The following CREB5 variants were observed in gnomAD, a reference collection of about 807,000 sequenced individuals.
CREB5 encodes cAMP responsive element binding protein 5, also known as cyclic AMP-responsive element-binding protein 5.
Under a neutral mutation model 57.1 loss-of-function variants are expected in CREB5, and 19 were observed. That is an observed-to-expected ratio of 0.33 (90% CI 0.23 to 0.49). The LOEUF is 0.49. Ranked by LOEUF, CREB5 falls within the 20% of genes least tolerant of loss-of-function variation. CREB5 has a pLI of 0.99. For synonymous variants in CREB5, 238 were observed against 238.3 expected, an observed-to-expected ratio of 1.00 and a Z score of 0.01; for missense variants, 579 against 671.6, an observed-to-expected ratio of 0.86 and a Z score of 1.52.
intron 5 of CREB5, among the ~76,000 whole-genome samples, chr7:28,654,255 C>A (rs910450853): frequency 6.6e-6 from 1 of 152,208 alleles, no homozygotes; most frequent in African/African-American, 2.4e-5. Context: ...CTCGCTCCCC[C>A]TCTTCTAGTT....
chr7:28,505,250 C>T (rs1265920909), intron 3 of CREB5, among the ~76,000 whole-genome samples: 1 of 152,142 alleles, frequency 6.6e-6, no homozygotes, highest in African/African-American at 2.4e-5. Context: ...GCACATACAC[C>T]CTTTTACTTT....
chr7:28,353,419 G>T (rs1786275119), intron 1 of CREB5, among the ~76,000 whole-genome samples: 1 of 152,186 alleles, frequency 6.6e-6, no homozygotes, highest in African/African-American at 2.4e-5. Context: ...TGGAGTGAGT[G>T]ATGGCTTCTC....
In CREB5 at chr7:28,560,901, C is replaced by CGTGCGTGTGCGCGCGCGCGT. The variant is rs1368518820; in HGVS notation, c.292-9463_292-9462insTGCGTGTGCGCGCGCGCGTG. On this transcript the variant is annotated intron_variant, in intron 4 of 10. Coordinates refer to ENST00000357727, the MANE Select transcript of CREB5 (RefSeq NM_182898.4). ...GTGCGTGCGTGCGTGTGTGTGCGTG[C>CGTGCGTGTGCGCGCGCGCGT]GCGCGTGCGTGTGCGTGTGTGCGCG... is the stretch of plus-strand genomic sequence containing the variant. Among the ~76,000 whole-genome samples, 39 of 21,660 alleles carry CGTGCGTGTGCGCGCGCGCGT rather than the reference C, an allele frequency of 1.8e-3. 1 individual carries two copies. The highest frequency in any genetic ancestry group is 3.6e-3 in the South Asian group (1 of 278). The allele number at this position is 21,660 out of a possible 152,430, so 14.2% of individuals were successfully genotyped here.
intron 1 of CREB5, among the ~76,000 whole-genome samples, chr7:28,314,901 C>A (rs947088655): frequency 6.6e-6 from 1 of 152,172 alleles, no homozygotes; most frequent in South Asian, 2.1e-4. Context: ...CTGTAGAAAG[C>A]CTAACAGTAG....
chr7:28,731,405 G>A (rs948766751), intron 7 of CREB5, among the ~76,000 whole-genome samples: 3 of 152,162 alleles, frequency 2.0e-5, no homozygotes, highest in Non-Finnish European at 4.4e-5. Flanking sequence ...AAATACACGA[G>A]AATATACATT....
intron 8 of CREB5, 45 bp from the exon 9 acceptor site, chr7:28,809,142 C>T (rs1808934266): frequency 2.6e-6 from 4 of 1,536,662 alleles, no homozygotes; most frequent in Non-Finnish European, 3.5e-6. Flanking sequence ...TACCTAACCA[C>T]GTCCTTCCCT....
chr7:28,459,247 C>G (rs572471510), intron 1 of CREB5, among the ~76,000 whole-genome samples: 9 of 152,220 alleles, frequency 5.9e-5, no homozygotes, highest in Admixed American at 1.3e-4. Flanking sequence ...CTTTGCACAC[C>G]CCACCTGTCT....
chr7:28,782,495 AGAAAT>A (rs1807047241), intron 7 of CREB5, among the ~76,000 whole-genome samples: 1 of 152,256 alleles, frequency 6.6e-6, no homozygotes, highest in African/African-American at 2.4e-5. Context: ...AATAAAAAGA[AGAAAT>A]GAAAGAAATA....
chr7:28,637,173 GAAAGAAAAGAAAGGA>G lies in CREB5; in HGVS notation c.464+66649_464+66663del, dbSNP rs572978936. On this transcript the variant is annotated intron_variant, in intron 5 of 10. Coordinates refer to ENST00000357727, the MANE Select transcript of CREB5 (RefSeq NM_182898.4). ...TGTCTTAAAAAACAAAACAAAAAAA[GAAAGAAAAGAAAGGA>G]AAAGAAAAGAAAATTTGACCACCTG... Among the ~76,000 whole-genome samples, 11 of 151,822 alleles carry G rather than the reference GAAAGAAAAGAAAGGA, an allele frequency of 7.2e-5. No individual in the cohort carries two copies. In the East Asian group the frequency reaches 2.1e-3, roughly 29 times the overall value.
At chr7:28,745,162 A>G (rs930303377) in intron 7 of CREB5, among the ~76,000 whole-genome samples, 1 of 152,198 alleles carries the variant, frequency 6.6e-6, no homozygotes, top group Middle Eastern at 3.2e-3. Flanking sequence ...AGGAAGGCAA[A>G]CAGTATTCAT....
chr7:28,588,268 A>C (rs563992780), intron 5 of CREB5, among the ~76,000 whole-genome samples: 95 of 152,302 alleles, frequency 6.2e-4, no homozygotes, highest in African/African-American at 2.1e-3. Flanking sequence ...AGATCTTAAC[A>C]AAACAATATA....
At chr7:28,402,315 C>T (rs1188071386) in intron 1 of CREB5, among the ~76,000 whole-genome samples, 1 of 151,758 alleles carries the variant, frequency 6.6e-6, no homozygotes, top group African/African-American at 2.4e-5. Context: ...GGATATTAAC[C>T]CTCTACTTGA....
Position 28,724,389 on chromosome 7 carries a change from T to G in CREB5, c.702+57T>G. 2.1e-6 allele frequency: 3 copies of G among 1,453,198 alleles called. No homozygotes were observed. In the African/African-American group the frequency reaches 4.2e-5, roughly 20 times the overall value. The allele number at this position is 1,453,198 out of a possible 1,614,324, so 90.0% of individuals were successfully genotyped here. A position where few individuals can be genotyped will look rare whatever the true frequency, so the allele number is the denominator to read the frequency against. Reference sequence around the variant, plus strand: ...TTCTGTGACTTTTTCTTTTGAATTTTACTCTGACTCCAAAACCTTAGTTCA... The same window carrying G: ...TTCTGTGACTTTTTCTTTTGAATTTGACTCTGACTCCAAAACCTTAGTTCA... On this transcript the variant is annotated intron_variant, in intron 7 of 10. Transcript: ENST00000357727.
intron 1 of CREB5, among the ~76,000 whole-genome samples, chr7:28,401,569 C>T (rs544221724): frequency 1.3e-5 from 2 of 152,210 alleles, no homozygotes; most frequent in African/African-American, 4.8e-5. Flanking sequence ...TCCCCTTTCC[C>T]CAACCACGAC....
chr7:28,548,229 T>C (rs931500066), intron 4 of CREB5, among the ~76,000 whole-genome samples: 3 of 152,166 alleles, frequency 2.0e-5, no homozygotes, highest in African/African-American at 7.2e-5. Context: ...CTTGAAACTT[T>C]TAATACGTGC....
chr7:28,339,669 C>T (rs1785895226), intron 1 of CREB5, among the ~76,000 whole-genome samples: 1 of 152,216 alleles, frequency 6.6e-6, no homozygotes, highest in South Asian at 2.1e-4. Context: ...GGCCCTAGGG[C>T]TATGCAATTA....
chr7:28,641,952 CTG>C (rs1447547486), intron 5 of CREB5, among the ~76,000 whole-genome samples: 1 of 152,182 alleles, frequency 6.6e-6, no homozygotes, highest in Non-Finnish European at 1.5e-5. Flanking sequence ...GTATGTGCTC[CTG>C]TGTGTGCACG....
rs543236410 is a variant in CREB5 at position 28,319,908 on chromosome 7, T to C, written c.-25+20467T>C. 1.1e-4 allele frequency among the ~76,000 whole-genome samples: 16 copies of C among 152,188 alleles called. No individual in the cohort carries two copies. In the East Asian group the frequency reaches 1.9e-3, roughly 18 times the overall value. ...CTTTTTGCTACAAATAGTGTTTTTT[T>C]TTCTTTTATGTAATTTTCTTAATTT... On this transcript the variant is annotated intron_variant, in intron 1 of 9. Coordinates refer to the CREB5 transcript ENST00000396299.
At chr7:28,562,237 A>G (rs1795302319) in intron 4 of CREB5, among the ~76,000 whole-genome samples, 1 of 152,230 alleles carries the variant, frequency 6.6e-6, no homozygotes, top group Non-Finnish European at 1.5e-5. Flanking sequence ...GAGAACAGAA[A>G]CATGGACAAT....
Sources: allele counts gnomAD v4.1 joint callset (sites outside exome capture counted in the v4.1 genomes callset), GRCh38; gene constraint gnomAD v4.1.1; transcripts MANE v1.5; gene names NCBI Gene and HGNC (gene_info 2026-07-23, HGNC 2026-07-21).